KRT7: variants seen among roughly 807,000 people sequenced by gnomAD.
KRT7 encodes the protein keratin, type II cytoskeletal 7.
KRT7 carries 50 observed loss-of-function variants against 42.8 expected under a neutral mutation model. The observed-to-expected ratio is 1.17, with a 90% CI of 0.93 to 1.48. The LOEUF is 1.48. Ranked by LOEUF, KRT7 falls within the 40% of genes most tolerant of loss-of-function variation. KRT7 has a pLI of 0.00. For missense variants in KRT7, 588 were observed against 637.6 expected (o/e 0.92, Z 0.84); for synonymous variants, 268 against 266.3 (o/e 1.01, Z -0.06).
At chr12:52,235,449 G>C (rs1942000891) in intron 2 of KRT7, 83 bp downstream of exon 2, 1 of 1,218,096 alleles carries the variant, frequency 8.2e-7, no homozygotes, top group South Asian at 1.5e-5. Context: ...AAGTCCCCCT[G>C]CTTCAGGAAT....
intron 1 of KRT7, among the ~76,000 whole-genome samples, chr12:52,234,567 C>T (rs1464857235): frequency 2.0e-5 from 3 of 152,122 alleles, no homozygotes; most frequent in Non-Finnish European, 4.4e-5. Flanking sequence ...ATGTGTTGAG[C>T]TGCACCGTCT....
intron 5 of KRT7, 25 bp from the exon 6 acceptor site, chr12:52,242,987 A>T: frequency 6.3e-7 from 1 of 1,599,348 alleles, no homozygotes; most frequent in Non-Finnish European, 8.5e-7. Flanking sequence ...TCTCTCTGCC[A>T]TAACTCTCTG....
intron 5 of KRT7, among the ~76,000 whole-genome samples, chr12:52,242,709 T>A (rs1182051660): frequency 6.6e-6 from 1 of 152,052 alleles, no homozygotes; most frequent in Non-Finnish European, 1.5e-5. Flanking sequence ...GGGTGTTGAA[T>A]GGGTGCGAAT....
rs1942029803 is a variant in KRT7, at chr12:52,237,624, C to A, written c.597+55C>A. Reference sequence around the variant, plus strand: ...TTGTCTGAAAACATGGGACAAAGGACCACAGGATCCTCTCACCTGAGCAGC... The same window carrying A: ...TTGTCTGAAAACATGGGACAAAGGAACACAGGATCCTCTCACCTGAGCAGC... On this transcript the variant is annotated intron_variant, in intron 3 of 8. Coordinates refer to ENST00000331817, the MANE Select transcript of KRT7 (RefSeq NM_005556.4). 4 of 1,451,880 alleles carry A rather than the reference C, an allele frequency of 2.8e-6. No homozygotes were observed. In the Admixed American group the frequency reaches 5.2e-5, roughly 19 times the overall value. The allele number at this position is 1,451,880 out of a possible 1,614,324, so 89.9% of individuals were successfully genotyped here.
intron 6 of KRT7, chr12:52,245,101 C>T (rs559289290): frequency 6.4e-5 from 31 of 481,418 alleles, no homozygotes; most frequent in East Asian, 3.2e-4. Flanking sequence ...CATTGTGCCA[C>T]GGACATCTTG....
rs1037068001 is a variant in KRT7, at chr12:52,233,701, G to A, written c.324+81G>A. The A allele has an allele frequency of 4.9e-6, 7 of 1,423,470 alleles. No individual in the cohort carries two copies. The African/African-American group carries it at 5.6e-5, about 11-fold the overall frequency. 88.2% of individuals were successfully genotyped at this position (1,423,470 alleles called of 1,614,324 possible). A position where few individuals can be genotyped will look rare whatever the true frequency, so the allele number is the denominator to read the frequency against. On this transcript the variant is annotated intron_variant, in intron 1 of 8. Coordinates refer to ENST00000331817, the MANE Select transcript of KRT7 (RefSeq NM_005556.4). ...GCCCTAACTAGCCCTGCCTGCGCGC[G>A]GGCCAGGCGCTGGGGAGCACTGCCG...
intron 6 of KRT7, 165 bp downstream of exon 6, chr12:52,243,302 A>G: frequency 1.3e-6 from 1 of 793,096 alleles, no homozygotes; most frequent in Non-Finnish European, 1.9e-6. Context: ...GTTCTTGGCC[A>G]GGTCCTGGCA....
In KRT7 at chr12:52,237,493, CCCT is replaced by C. The variant is rs1360027733; in HGVS notation, c.537-11_537-9del. The C allele has an allele frequency of 6.3e-7, 1 of 1,595,408 alleles. No homozygotes were observed. Among genetic ancestry groups the C allele is most frequent in the East Asian group, 2.3e-5 (1 of 44,158 alleles). On this transcript the variant is annotated splice_polypyrimidine_tract_variant and intron_variant, in intron 2 of 8. Coordinates refer to ENST00000331817, the MANE Select transcript of KRT7 (RefSeq NM_005556.4). ...GAGGCAAAGCTGCATCAACACCAGG[CCCT>C]CCTCTACTGTAGGTACGAAGATGAA...
At position 52,237,452 on chromosome 12, in the gene KRT7, G is replaced by C. The variant is rs369999689; in HGVS notation, c.537-57G>C. 69 of 1,282,378 alleles carry C rather than the reference G, an allele frequency of 5.4e-5. 1 individual carries two copies. Among genetic ancestry groups the C allele is most frequent in the African/African-American group, 3.7e-4 (25 of 67,700 alleles). The allele number at this position is 1,282,378 out of a possible 1,614,324, so 79.4% of individuals were successfully genotyped here. A position where few individuals can be genotyped will look rare whatever the true frequency, so the allele number is the denominator to read the frequency against. On this transcript the variant is annotated intron_variant, in intron 2 of 8. Transcript: ENST00000331817. ...GATTTCACAGCTGCATATGGCGGAGGGGGGACGGGAGCATGGAGGCAAAGC... is the reference window on the plus strand; with the variant it reads ...GATTTCACAGCTGCATATGGCGGAGCGGGGACGGGAGCATGGAGGCAAAGC...
At chr12:52,248,419 C>G (rs1374582389) in intron 8 of KRT7, among the ~76,000 whole-genome samples, 172 bp from the exon 9 acceptor site, 1 of 152,056 alleles carries the variant, frequency 6.6e-6, no homozygotes, top group African/African-American at 2.4e-5. Flanking sequence ...GGGCCAGGAG[C>G]ACCTGGGGAG....
downstream of KRT7, chr12:52,251,648 G>A (rs1942268190): frequency 4.1e-6 from 1 of 245,470 alleles, no homozygotes; most frequent in Admixed American, 5.1e-5. Flanking sequence ...GTAAAAATAT[G>A]GTATAATCTA....
chr12:52,248,192 A>C lies in KRT7; in HGVS notation c.1221A>C (p.Gly407=), dbSNP rs750510254. 29 of 1,613,928 alleles carry C rather than the reference A, an allele frequency of 1.8e-5. No homozygotes were observed. Among genetic ancestry groups the C allele is most frequent in the Non-Finnish European group, 2.4e-5 (28 of 1,180,006 alleles). The change falls in exon 8 of 9, where the codon GGA becomes GGC. Residue 407 remains glycine, a synonymous_variant. Coordinates refer to ENST00000331817, the MANE Select transcript of KRT7 (RefSeq NM_005556.4). ...CTGCCCCCAGGTTGGCTGGAGATGG[A>C]GTGGGAGCCGTGAATATCTGTAAGT... The part of the protein sequence containing the change: ...EGEESRLAGD[G]VGAVNISVMN...
rs772643712 is a variant in KRT7 at position 52,233,514 on chromosome 12, TG to T, written c.220del (p.Ala74ProfsTer124). ...GAGGTCACCATTAACCAGAGCCTGCTGGCCCCGCTGCGGCTGGACGCCGACC... is the reference window on the plus strand; with the variant it reads ...GAGGTCACCATTAACCAGAGCCTGCTGCCCCGCTGCGGCTGGACGCCGACC... ...IREVTINQSL[L>X]APLRLDADPS... On this transcript the variant is annotated frameshift_variant, in exon 1 of 9. Coordinates refer to ENST00000331817, the MANE Select transcript of KRT7 (RefSeq NM_005556.4). LOFTEE classifies it high-confidence loss of function. The T allele has an allele frequency of 6.2e-7, 1 of 1,612,884 alleles. No homozygotes were observed.
Position 52,241,520 on chromosome 12 carries a change from TC to T in KRT7, c.744del (p.Met249TrpfsTer63), listed in dbSNP as rs1942089741. The T allele has an allele frequency of 1.2e-6, 2 of 1,613,946 alleles. No individual in the cohort carries two copies. Among genetic ancestry groups the T allele is most frequent in the East Asian group, 2.2e-5 (1 of 44,878 alleles). On this transcript the variant is annotated frameshift_variant, in exon 5 of 9. Transcript: ENST00000331817. LOFTEE classifies it high-confidence loss of function. ...SQISDTSVVL[S>X]MDNSRSLDLD... ...GATCTCCGACACATCTGTGGTGCTGTCCATGGACAACAGTCGCTCCCTGGAC... is the reference window on the plus strand; with the variant it reads ...GATCTCCGACACATCTGTGGTGCTGTCATGGACAACAGTCGCTCCCTGGAC...
Position 52,247,209 on chromosome 12 carries a change from G to T in KRT7, c.1206-968G>T, listed in dbSNP as rs568688281. The stretch of plus-strand genomic sequence containing the variant: ...GAGAAAAGTCACACAGATCACTAGA[G>T]CCTTGGACATTCAGGCCTCTTCCGT... On this transcript the variant is annotated intron_variant, in intron 7 of 8. Coordinates refer to ENST00000331817, the MANE Select transcript of KRT7 (RefSeq NM_005556.4). The T allele has an allele frequency of 2.0e-5, 3 of 152,294 alleles. No homozygotes were observed. In the East Asian group the frequency reaches 5.8e-4, roughly 29 times the overall value. 9.4% of individuals were successfully genotyped at this position (152,294 alleles called of 1,614,324 possible). A position where few individuals can be genotyped will look rare whatever the true frequency, so the allele number is the denominator to read the frequency against.
Position 52,248,843 on chromosome 12 carries a change from A to G in KRT7, c.*83A>G. On this transcript the variant is annotated 3_prime_UTR_variant, in exon 9 of 9. Coordinates refer to ENST00000331817, the MANE Select transcript of KRT7 (RefSeq NM_005556.4). ...ACCCCTGCCTCCCATGCCTGGTCCCAAGACAGTGAGACAGTCTGGAAAGTG... is the reference window on the plus strand; with the variant it reads ...ACCCCTGCCTCCCATGCCTGGTCCCGAGACAGTGAGACAGTCTGGAAAGTG... 1 of 1,339,804 alleles carries G rather than the reference A, an allele frequency of 7.5e-7. No homozygotes were observed. The highest frequency in any genetic ancestry group is 9.9e-7 in the Non-Finnish European group (1 of 1,008,658). The allele number at this position is 1,339,804 out of a possible 1,614,324, so 83.0% of individuals were successfully genotyped here.
chr12:52,254,911 A>G (rs1295601892), downstream of KRT7, among the ~76,000 whole-genome samples: 1 of 152,220 alleles, frequency 6.6e-6, no homozygotes, highest in Non-Finnish European at 1.5e-5. Context: ...AGTCAAGTCT[A>G]AGAGGCAAGG....
In KRT7 at chr12:52,235,260, C is replaced by G. The variant is rs757865027; in HGVS notation, c.430C>G (p.Gln144Glu). Residue 144 changes from glutamine (Q) to glutamate (E), a missense_variant, in exon 2 of 9, where the codon CAG becomes GAG. Gln to Glu is a conservative substitution (Grantham distance 29). Transcript: ENST00000331817. ...CCGCCTCCCAGACATCTTTGAGGCC[C>G]AGATTGCTGGCCTTCGGGGTCAGCT... The part of the protein sequence containing the change: ...SSRLPDIFEA[Q>E]IAGLRGQLEA... 1 of 1,614,184 alleles carries G rather than the reference C, an allele frequency of 6.2e-7. No individual in the cohort carries two copies. The highest frequency in any genetic ancestry group is 1.7e-5 in the Admixed American group (1 of 60,036).
downstream of KRT7, among the ~76,000 whole-genome samples, chr12:52,253,975 T>C (rs1433795295): frequency 6.6e-6 from 1 of 151,836 alleles, no homozygotes. Context: ...AGGTAGAGAG[T>C]CCATGTCTGA....
Sources: allele counts gnomAD v4.1 joint callset (sites outside exome capture counted in the v4.1 genomes callset), GRCh38; gene constraint gnomAD v4.1.1; transcripts MANE v1.5; gene names NCBI Gene and HGNC (gene_info 2026-07-23, HGNC 2026-07-21).